Variants in SKIC3 observed in about 807,000 individuals in gnomAD.
The protein encoded by SKIC3 is superkiller complex protein 3.
the SKIC3 span, chr5:95,547,098 C>G: frequency 5.0e-6 from 8 of 1,613,270 alleles, no homozygotes; most frequent in Non-Finnish European, 6.8e-6. Flanking sequence ...TTCTTTGTTT[C>G]TGATTGCATC....
At chr5:95,467,276 AT>A in the SKIC3 span, among the ~76,000 whole-genome samples, 2 of 152,184 alleles carry the variant, frequency 1.3e-5, no homozygotes, top group East Asian at 3.8e-4. Flanking sequence ...ATATATAAAA[AT>A]ATCCATGAAT....
chr5:95,550,305 A>G, the SKIC3 span, among the ~76,000 whole-genome samples: 1 of 151,968 alleles, frequency 6.6e-6, no homozygotes, highest in African/African-American at 2.4e-5. Flanking sequence ...GAAACCTTAA[A>G]TAATATTCCA....
chr5:95,546,518 A>G, the SKIC3 span, among the ~76,000 whole-genome samples: 1 of 152,104 alleles, frequency 6.6e-6, no homozygotes, highest in South Asian at 2.1e-4. Flanking sequence ...CCAACACTGT[A>G]TGGATGGGCA....
chr5:95,488,661 C>T, the SKIC3 span, among the ~76,000 whole-genome samples: 1 of 152,110 alleles, frequency 6.6e-6, no homozygotes, highest in Admixed American at 6.5e-5. Context: ...ACCAGTCCTA[C>T]AAGAAATGCT....
chr5:95,550,468 TAA>T, the SKIC3 span: 540 of 140,396 alleles, frequency 3.8e-3, 4 homozygotes, highest in African/African-American at 0.011. Context: ...AGTCTGACAT[TAA>T]AAAAAAAAAA....
chr5:95,498,945 T>A, the SKIC3 span, among the ~76,000 whole-genome samples: 1 of 152,170 alleles, frequency 6.6e-6, no homozygotes, highest in African/African-American at 2.4e-5. Flanking sequence ...GTAGTCTTTA[T>A]CTGTAACTAT....
At chr5:95,508,619 C>T in the SKIC3 span, among the ~76,000 whole-genome samples, 41 of 152,316 alleles carry the variant, frequency 2.7e-4, no homozygotes, top group South Asian at 8.1e-3. Flanking sequence ...CCTGAAATGT[C>T]ACTTCCTGCC....
chr5:95,475,100 T>C, the SKIC3 span, among the ~76,000 whole-genome samples: 1 of 152,214 alleles, frequency 6.6e-6, no homozygotes, highest in African/African-American at 2.4e-5. Flanking sequence ...ATGTCTGCCA[T>C]TTCAGTCACT....
At chr5:95,494,971 T>C in the SKIC3 span, 6 of 1,613,784 alleles carry the variant, frequency 3.7e-6, no homozygotes, top group Middle Eastern at 3.3e-4. Flanking sequence ...AACCTTTCCA[T>C]GATTTGAGTC....
At chr5:95,473,088 T>C in the SKIC3 span, among the ~76,000 whole-genome samples, 1 of 152,216 alleles carries the variant, frequency 6.6e-6, no homozygotes, top group Non-Finnish European at 1.5e-5. Flanking sequence ...TGTGTCTTCA[T>C]GGTATGATGA....
chr5:95,517,449 C>T, the SKIC3 span: 1 of 1,025,764 alleles, frequency 9.7e-7, no homozygotes. Flanking sequence ...CTAACTGAAT[C>T]ATATCATATC....
At chr5:95,541,095 T>C in the SKIC3 span, among the ~76,000 whole-genome samples, 215 of 152,204 alleles carry the variant, frequency 1.4e-3, 1 homozygote, top group Non-Finnish European at 2.3e-3. Flanking sequence ...GCCTCCTGAG[T>C]AGCTGGTATT....
the SKIC3 span, among the ~76,000 whole-genome samples, chr5:95,466,362 T>C: frequency 6.6e-6 from 1 of 152,168 alleles, no homozygotes; most frequent in Non-Finnish European, 1.5e-5. Context: ...TCTAACTCCA[T>C]CCTATCTGCC....
the SKIC3 span, among the ~76,000 whole-genome samples, chr5:95,538,660 T>C: frequency 6.6e-6 from 1 of 152,148 alleles, no homozygotes; most frequent in Non-Finnish European, 1.5e-5. Flanking sequence ...ATGATAGACA[T>C]ATTTTCCAAA....
chr5:95,529,360 C>A, the SKIC3 span: 39 of 517,264 alleles, frequency 7.5e-5, 1 homozygote, highest in South Asian at 8.1e-4. Context: ...ATTCTTTACA[C>A]TGTAGCTAGA....
chr5:95,498,571 G>A, the SKIC3 span: 17 of 1,613,902 alleles, frequency 1.1e-5, no homozygotes, highest in Non-Finnish European at 1.4e-5. Flanking sequence ...GCTTTCTGTG[G>A]TTGGTTCCTT....
At chr5:95,478,411 A>AT in the SKIC3 span, 1 of 1,613,948 alleles carries the variant, frequency 6.2e-7, no homozygotes, top group Non-Finnish European at 8.5e-7. Context: ...AGCTCTCATC[A>AT]TTCCTTGGGA....
chr5:95,485,015 A>T, the SKIC3 span, among the ~76,000 whole-genome samples: 14 of 152,322 alleles, frequency 9.2e-5, no homozygotes, highest in Non-Finnish European at 1.9e-4. Context: ...CAGGTTTCTG[A>T]AAAGTTTCAT....
At chr5:95,512,204 T>C in the SKIC3 span, among the ~76,000 whole-genome samples, 10,699 of 152,220 alleles carry the variant, frequency 0.07, 443 homozygotes, top group South Asian at 0.14. Flanking sequence ...TAGTGTATAG[T>C]GTATAGTGGA....
Sources: gnomAD v4.1 joint callset for allele counts (sites outside exome capture counted in the v4.1 genomes callset) on GRCh38, gnomAD v4.1.1 for gene constraint, MANE v1.5 for transcripts, NCBI Gene and HGNC (gene_info 2026-07-23, HGNC 2026-07-21) for gene names.